Variants in PRKCA observed in about 807,000 individuals in gnomAD.
PRKCA encodes the protein protein kinase C alpha, also known as protein kinase C alpha type.
In PRKCA, 27 loss-of-function variants were observed where a neutral mutation model predicts 87.0. The observed-to-expected ratio is 0.31, with a 90% CI of 0.23 to 0.43. The LOEUF (loss-of-function observed/expected upper bound fraction) is 0.43. PRKCA is among the 20% of genes least tolerant of loss of function. The pLI is 1.00. For missense variants in PRKCA, 518 were observed against 852.3 expected, an observed-to-expected ratio of 0.61 and a Z score of 4.88; for synonymous variants, 329 against 311.1, an observed-to-expected ratio of 1.06 and a Z score of -0.61.
chr17:66,747,682 A>C (rs888023608), intron 13 of PRKCA, among the ~76,000 whole-genome samples: 1 of 152,234 alleles, frequency 6.6e-6, no homozygotes, highest in African/African-American at 2.4e-5. Context: ...GAAAGTGAGC[A>C]CTCAGTTTGG....
chr17:66,382,471 T>C (rs1167451589), intron 2 of PRKCA, among the ~76,000 whole-genome samples: 1 of 152,076 alleles, frequency 6.6e-6, no homozygotes. Flanking sequence ...CGGCTGATAT[T>C]TGTATTTTTA....
intron 3 of PRKCA, among the ~76,000 whole-genome samples, chr17:66,501,458 G>A (rs1916727395): frequency 6.6e-6 from 1 of 152,200 alleles, no homozygotes; most frequent in Admixed American, 6.5e-5. Context: ...GAGTAGAGAA[G>A]GAATGAAAGC....
rs569108980 is a variant in PRKCA, at chr17:66,701,532, A to T, written c.918+12485A>T. ...TAAAAGGCAACCTGTGGAATAGGAG[A>T]AAATATTTGCAAACTGTATATCCAA... On this transcript the variant is annotated intron_variant, in intron 8 of 16. Transcript: ENST00000413366. 5.9e-5 allele frequency among the ~76,000 whole-genome samples: 9 copies of T among 152,338 alleles called. No individual in the cohort carries two copies. In the East Asian group the frequency reaches 1.7e-3, roughly 29 times the overall value.
At chr17:66,377,530 A>G (rs1909496334) in intron 2 of PRKCA, among the ~76,000 whole-genome samples, 1 of 147,882 alleles carries the variant, frequency 6.8e-6, no homozygotes, top group South Asian at 2.1e-4. Context: ...TATATATATA[A>G]TGCCTATATT....
At chr17:66,785,910 G>A (rs1975373242) in intron 14 of PRKCA, among the ~76,000 whole-genome samples, 1 of 152,178 alleles carries the variant, frequency 6.6e-6, no homozygotes, top group Admixed American at 6.5e-5. Flanking sequence ...CTCACTGCAA[G>A]CCCCGCCTCC....
chr17:66,791,245 C>G (rs925585023), intron 16 of PRKCA, among the ~76,000 whole-genome samples: 3 of 149,124 alleles, frequency 2.0e-5, no homozygotes, highest in Non-Finnish European at 4.4e-5. Context: ...AACTCACAAA[C>G]GGAGGCAGAA....
At chr17:66,385,991 C>A (rs1435666402) in intron 2 of PRKCA, among the ~76,000 whole-genome samples, 7 of 151,464 alleles carry the variant, frequency 4.6e-5, no homozygotes, top group Non-Finnish European at 1.0e-4. Context: ...AACTCCTGAC[C>A]TCAGGCGATC....
At chr17:66,752,274 C>T (rs1423362410) in intron 13 of PRKCA, among the ~76,000 whole-genome samples, 4 of 152,172 alleles carry the variant, frequency 2.6e-5, no homozygotes, top group South Asian at 2.1e-4. Flanking sequence ...GATGTGTAAT[C>T]GCCCCAGAAC....
At chr17:66,758,333 C>T (rs930342110) in intron 13 of PRKCA, among the ~76,000 whole-genome samples, 6 of 152,206 alleles carry the variant, frequency 3.9e-5, no homozygotes, top group Admixed American at 3.9e-4. Context: ...CACACACCAT[C>T]AAATTTCCAA....
intron 3 of PRKCA, among the ~76,000 whole-genome samples, chr17:66,615,011 C>T (rs1382497433): frequency 6.6e-6 from 1 of 152,090 alleles, no homozygotes; most frequent in Non-Finnish European, 1.5e-5. Context: ...CATCAGGAAC[C>T]AGGCTTCTGT....
At chr17:66,642,418 C>T (rs1043855520) in intron 4 of PRKCA, among the ~76,000 whole-genome samples, 3 of 152,024 alleles carry the variant, frequency 2.0e-5, no homozygotes, top group East Asian at 1.9e-4. Flanking sequence ...GGTGAGTCAC[C>T]GCGCCCAACC....
intron 16 of PRKCA, chr17:66,796,872 G>A: frequency 1.0e-6 from 1 of 985,338 alleles, no homozygotes; most frequent in Non-Finnish European, 1.2e-6. Context: ...AGTACCTCCT[G>A]CATTTGGTCA....
chr17:66,379,955 CTTG>C (rs1349117037), intron 2 of PRKCA, among the ~76,000 whole-genome samples: 1 of 151,884 alleles, frequency 6.6e-6, no homozygotes, highest in Non-Finnish European at 1.5e-5. Flanking sequence ...AAAAAATAGC[CTTG>C]ATTTTTCTAA....
chr17:66,611,279 A>G lies in PRKCA; in HGVS notation c.289-30076A>G, dbSNP rs146015457. On this transcript the variant is annotated intron_variant, in intron 3 of 16. Transcript: ENST00000413366. ...TGCCTAGAGTTGTACAAATGCTACCATAATCTAATTTTAGGATATATTCAT... is the reference window on the plus strand; with the variant it reads ...TGCCTAGAGTTGTACAAATGCTACCGTAATCTAATTTTAGGATATATTCAT... Among the ~76,000 whole-genome samples, 124 of 152,320 alleles carry G rather than the reference A, an allele frequency of 8.1e-4. 1 individual carries two copies. The highest frequency in any genetic ancestry group is 2.9e-3 in the African/African-American group (122 of 41,576).
intron 13 of PRKCA, among the ~76,000 whole-genome samples, chr17:66,758,863 G>A (rs1325300037): frequency 6.6e-6 from 1 of 152,128 alleles, no homozygotes. Flanking sequence ...GAAGGTATAG[G>A]TGAAAGTAAA....
intron 2 of PRKCA, among the ~76,000 whole-genome samples, chr17:66,448,317 G>A (rs1383738482): frequency 6.6e-6 from 1 of 152,182 alleles, no homozygotes; most frequent in Non-Finnish European, 1.5e-5. Flanking sequence ...ATCTGTTAAA[G>A]GGAATGATGA....
At chr17:66,641,723 T>C (rs1030929951) in intron 4 of PRKCA, among the ~76,000 whole-genome samples, 15 of 151,996 alleles carry the variant, frequency 9.9e-5, no homozygotes, top group African/African-American at 3.6e-4. Flanking sequence ...GTCACTTTTT[T>C]TTTTTTTTTA....
At chr17:66,320,784 C>T (rs925396026) in intron 2 of PRKCA, among the ~76,000 whole-genome samples, 1 of 152,076 alleles carries the variant, frequency 6.6e-6, no homozygotes, top group African/African-American at 2.4e-5. Flanking sequence ...CTGATTTTGC[C>T]TTTTTATATA....
intron 5 of PRKCA, among the ~76,000 whole-genome samples, chr17:66,657,919 G>A (rs748746624): frequency 4.6e-5 from 7 of 152,104 alleles, no homozygotes; most frequent in Non-Finnish European, 7.3e-5. Flanking sequence ...AATACAGCAG[G>A]CTTGTGTTTA....
Sources: allele counts gnomAD v4.1 joint callset (sites outside exome capture counted in the v4.1 genomes callset), GRCh38; gene constraint gnomAD v4.1.1; transcripts MANE v1.5; gene names NCBI Gene and HGNC (gene_info 2026-07-23, HGNC 2026-07-21).